Variants in CYFIP1 observed in about 807,000 individuals in gnomAD.
CYFIP1 encodes cytoplasmic FMR1 interacting protein 1.
A neutral mutation model predicts 163.5 loss-of-function variants in CYFIP1; 58 were observed. The observed-to-expected ratio is 0.35, with a 90% CI of 0.29 to 0.44. The LOEUF is 0.44. Among genes scored for constraint, CYFIP1 ranks in the 20% least tolerant of loss-of-function variants. CYFIP1 has a pLI of 1.00. For synonymous variants in CYFIP1, 663 were observed against 660.7 expected, an observed-to-expected ratio of 1.00 and a Z score of -0.05; for missense variants, 1,338 against 1,653.8, an observed-to-expected ratio of 0.81 and a Z score of 3.31.
chr15:22,886,589 T>C (rs546124471), intron 23 of CYFIP1, among the ~76,000 whole-genome samples: 1 of 152,330 alleles, frequency 6.6e-6, no homozygotes, highest in East Asian at 1.9e-4. Flanking sequence ...ATAGAGATTT[T>C]CTGGTTATCT....
At position 22,937,194 on chromosome 15, in the gene CYFIP1, A is replaced by C. The variant is rs760875417; in HGVS notation, c.810T>G (p.Gly270=). 2.5e-6 allele frequency: 4 copies of C among 1,610,512 alleles called. No individual in the cohort carries two copies. The highest frequency in any genetic ancestry group is 3.4e-6 in the Non-Finnish European group (4 of 1,176,748). Residue 270 remains glycine (G), a synonymous_variant, in exon 9 of 31, where the codon GGT becomes GGG. Coordinates refer to ENST00000617928, the MANE Select transcript of CYFIP1 (RefSeq NM_014608.6). ...KHMLLKVMGF[G]LYLMDGSVSN... The stretch of plus-strand genomic sequence containing the variant: ...TGACACTCCCATCCATCAGGTACAG[A>C]CCAAATCCCATGACCTGAAAAGCCA...
At chr15:22,951,627 G>A in intron 1 of CYFIP1, 1 of 1,160,586 alleles carries the variant, frequency 8.6e-7, no homozygotes, top group Non-Finnish European at 1.1e-6. Flanking sequence ...GTCCAGTCAT[G>A]CCCGGGCCCC....
chr15:22,980,806 C>T (rs28364571), upstream of CYFIP1, among the ~76,000 whole-genome samples: 59 of 152,134 alleles, frequency 3.9e-4, no homozygotes, highest in East Asian at 0.011. Context: ...CTGCGCTCGT[C>T]GGGAGGGTTC....
chr15:22,973,211 G>A (rs1281926513), intron 1 of CYFIP1, among the ~76,000 whole-genome samples: 2 of 151,524 alleles, frequency 1.3e-5, no homozygotes, highest in Non-Finnish European at 2.9e-5. Flanking sequence ...GTACTGGAGA[G>A]GCTGAGGTGG....
chr15:22,971,533 G>A lies in CYFIP1; in HGVS notation c.-7+8754C>T, dbSNP rs369961757. Among the ~76,000 whole-genome samples, 133 of 152,176 alleles carry A rather than the reference G, an allele frequency of 8.7e-4. 1 individual carries two copies. In the South Asian group the frequency reaches 0.024, roughly 28 times the overall value. ...GCTAAAAATACAAAATTAGCCAGGC[G>A]TGGTAGTGGGCGCCTGTAATCCCAG... On this transcript the variant is annotated intron_variant, in intron 1 of 30. Transcript: ENST00000617928.
intron 3 of CYFIP1, 115 bp from the exon 4 acceptor site, chr15:22,945,054 G>C: frequency 2.0e-6 from 2 of 1,001,196 alleles, no homozygotes; most frequent in Non-Finnish European, 3.1e-6. Flanking sequence ...ACTGTGGCCT[G>C]TGTGCCAAGA....
At chr15:22,950,192 GA>G (rs1426777992) in intron 1 of CYFIP1, among the ~76,000 whole-genome samples, 1 of 152,102 alleles carries the variant, frequency 6.6e-6, no homozygotes, top group African/African-American at 2.4e-5. Context: ...ACACCAATTA[GA>G]AGAGGTTGTC....
chr15:22,925,478 C>G (rs1188655898), intron 13 of CYFIP1, among the ~76,000 whole-genome samples: 1 of 152,164 alleles, frequency 6.6e-6, no homozygotes, highest in Admixed American at 6.5e-5. Flanking sequence ...AATTTCGCAT[C>G]TCAGTGTGAA....
At chr15:22,894,820 T>A (rs2060186644) in intron 22 of CYFIP1, among the ~76,000 whole-genome samples, 2 of 147,548 alleles carry the variant, frequency 1.4e-5, no homozygotes, top group African/African-American at 4.9e-5. Context: ...TTCTATATAA[T>A]TATATATATA....
At chr15:22,934,189 T>TC (rs1459381725) in intron 9 of CYFIP1, among the ~76,000 whole-genome samples, 1 of 126,824 alleles carries the variant, frequency 7.9e-6, no homozygotes, top group Non-Finnish European at 1.6e-5. Flanking sequence ...TTTTTTTTTT[T>TC]TTTTTTTTTT....
At chr15:22,889,199 C>A (rs77132164) in intron 23 of CYFIP1, among the ~76,000 whole-genome samples, 1,710 of 152,260 alleles carry the variant, frequency 0.011, 24 homozygotes, top group South Asian at 0.045. Context: ...AAAAAAAAAT[C>A]AAATTCACAT....
intron 1 of CYFIP1, among the ~76,000 whole-genome samples, chr15:22,972,178 G>A (rs1207760057): frequency 1.3e-5 from 2 of 152,196 alleles, no homozygotes; most frequent in Admixed American, 6.5e-5. Context: ...GCTCCCGCCT[G>A]TAATCCCAGC....
rs936611952 is a variant in CYFIP1, at chr15:22,966,598, G to A, written c.-7+13689C>T. On this transcript the variant is annotated intron_variant, in intron 1 of 30. Transcript: ENST00000617928. ...CTGGTACTGTGTTTTGGCAGCCTTAGCAGATAAATACACAAAAGCTTAGGA... is the reference window on the plus strand; with the variant it reads ...CTGGTACTGTGTTTTGGCAGCCTTAACAGATAAATACACAAAAGCTTAGGA... 4.6e-5 allele frequency among the ~76,000 whole-genome samples: 7 copies of A among 152,116 alleles called. No homozygotes were observed. The East Asian group carries it at 7.7e-4, about 17-fold the overall frequency.
At position 22,881,677 on chromosome 15, in the gene CYFIP1, C is replaced by T. The variant is rs539788894; in HGVS notation, c.2911+169G>A. On this transcript the variant is annotated intron_variant, in intron 25 of 30. Transcript: ENST00000617928. ...TCTTGCAGGCTGACCTCTGCTTCCT[C>T]GCCTGCAGACAGTGACCCCAACACA... Among the ~76,000 whole-genome samples the T allele has an allele frequency of 6.0e-4, 92 of 152,272 alleles. 1 individual carries two copies. Among genetic ancestry groups the T allele is most frequent in the African/African-American group, 2.1e-3 (86 of 41,550 alleles).
At chr15:22,902,639 C>T (rs1159055923) in intron 22 of CYFIP1, among the ~76,000 whole-genome samples, 2 of 152,232 alleles carry the variant, frequency 1.3e-5, no homozygotes, top group Admixed American at 6.5e-5. Flanking sequence ...GTGGTCTTCA[C>T]GGTTTGGTTT....
chr15:22,913,346 T>C (rs1566962991), intron 17 of CYFIP1, among the ~76,000 whole-genome samples: 1 of 150,242 alleles, frequency 6.7e-6, no homozygotes, highest in Admixed American at 6.7e-5. Context: ...CTGGCTAACA[T>C]GATGAAACTC....
At chr15:22,893,076 C>G (rs779010704) in intron 22 of CYFIP1, 99 bp from the exon 23 acceptor site, 49 of 810,412 alleles carry the variant, frequency 6.0e-5, no homozygotes, top group Non-Finnish European at 9.6e-5. Context: ...AATCTTCCTC[C>G]CAGTCAACTG....
chr15:22,891,908 C>T (rs946897378), intron 23 of CYFIP1, among the ~76,000 whole-genome samples: 7 of 152,252 alleles, frequency 4.6e-5, no homozygotes, highest in African/African-American at 1.7e-4. Flanking sequence ...GTGTGAGCGG[C>T]AGGGCCTGGG....
At chr15:22,871,764 A>C (rs2059439611) in intron 30 of CYFIP1, among the ~76,000 whole-genome samples, 1 of 152,182 alleles carries the variant, frequency 6.6e-6, no homozygotes, top group African/African-American at 2.4e-5. Flanking sequence ...CTTGGAAAGC[A>C]TGAGAAGGAA....
Sources: gnomAD v4.1 joint callset for allele counts (sites outside exome capture counted in the v4.1 genomes callset) on GRCh38, gnomAD v4.1.1 for gene constraint, MANE v1.5 for transcripts, NCBI Gene and HGNC (gene_info 2026-07-23, HGNC 2026-07-21) for gene names.